SPAG5: variants seen among roughly 807,000 people sequenced by gnomAD.
The protein encoded by SPAG5 is sperm associated antigen 5.
SPAG5 carries 99 observed loss-of-function variants against 145.4 expected under a neutral mutation model. The observed-to-expected ratio is 0.68, with a 90% CI of 0.58 to 0.80. The LOEUF (loss-of-function observed/expected upper bound fraction) is 0.80, where lower values mean the gene tolerates loss of function less well. Ranked by LOEUF, SPAG5 falls within the 30% of genes least tolerant of loss-of-function variation. The pLI, the probability that SPAG5 is intolerant of heterozygous loss-of-function variation, is 0.00. For synonymous variants in SPAG5, 477 were observed against 525.4 expected, an observed-to-expected ratio of 0.91 and a Z score of 1.26; for missense variants, 1,192 against 1,416.0, an observed-to-expected ratio of 0.84 and a Z score of 2.54.
Position 28,594,216 on chromosome 17 carries a change from A to G in SPAG5, c.178-1150T>C, listed in dbSNP as rs192636867. On this transcript the variant is annotated intron_variant, in intron 2 of 23. Coordinates refer to ENST00000321765, the MANE Select transcript of SPAG5 (RefSeq NM_006461.4). ...ACTGACTAGAAAAGATACATGCTAG[A>G]CACATAATTATAAAATTTCTGTGCT... Among the ~76,000 whole-genome samples, 326 of 152,310 alleles carry G rather than the reference A, an allele frequency of 2.1e-3. 7 individuals carry two copies. The highest frequency in any genetic ancestry group is 2.9e-4 in the Non-Finnish European group (20 of 68,026).
chr17:28,592,154 ATAAGC>A lies in SPAG5; in HGVS notation c.1085_1089del (p.Ser362IlefsTer51). 6.2e-7 allele frequency: 1 copy of A among 1,614,116 alleles called. No individual in the cohort carries two copies. Among genetic ancestry groups the A allele is most frequent in the Non-Finnish European group, 8.5e-7 (1 of 1,180,032 alleles). On this transcript the variant is annotated frameshift_variant, in exon 3 of 24. Transcript: ENST00000321765. LOFTEE classifies it high-confidence loss of function. ...GCATCCCGAAGCATCGAGGGAAGGG[ATAAGC>A]TTTGGCGGAGATTTTCCAGCATGAC...
At position 28,591,689 on chromosome 17, in the gene SPAG5, C is replaced by G. The variant is rs547915742; in HGVS notation, c.1437+9G>C. 20 of 1,592,140 alleles carry G rather than the reference C, an allele frequency of 1.3e-5. No individual in the cohort carries two copies. Among genetic ancestry groups the G allele is most frequent in the Non-Finnish European group, 1.7e-5 (20 of 1,166,954 alleles). ...GGGATCCCTCAAGCTTTGAGAGGAA[C>G]CTTCTTACCCCACTGTGAGATGTGT... On this transcript the variant is annotated intron_variant, in intron 4 of 23. Coordinates refer to ENST00000321765, the MANE Select transcript of SPAG5 (RefSeq NM_006461.4).
chr17:28,586,599 T>C, intron 4 of SPAG5, 100 bp from the exon 5 acceptor site: 1 of 915,836 alleles, frequency 1.1e-6, no homozygotes, highest in East Asian at 2.5e-5. Flanking sequence ...TGGCACAATC[T>C]CAGCTCACTG....
Position 28,586,456 on chromosome 17 carries a change from C to T in SPAG5, c.1481G>A (p.Gly494Glu). The T allele has an allele frequency of 6.2e-7, 1 of 1,613,912 alleles. No individual in the cohort carries two copies. The highest frequency in any genetic ancestry group is 1.1e-5 in the South Asian group (1 of 91,078). Residue 494 changes from glycine to glutamate, a missense_variant, in exon 5 of 24, where the codon GGA becomes GAA. Around this residue, in one of 5 missense-constraint regions of SPAG5, gnomAD observed 709 missense variants for 840.7 expected, o/e 0.84. Transcript: ENST00000321765. ...LQHLKESHEM[G>E]QALQQARNVM... is the part of the protein sequence containing the mutation. ...ATTTCTGGCCTGCTGTAGGGCCTGTCCCATCTCATGGCTCTCCTTAAGATG... is the reference window on the plus strand; with the variant it reads ...ATTTCTGGCCTGCTGTAGGGCCTGTTCCATCTCATGGCTCTCCTTAAGATG...
chr17:28,597,936 C>T (rs927553304), intron 2 of SPAG5, among the ~76,000 whole-genome samples: 7 of 152,168 alleles, frequency 4.6e-5, no homozygotes, highest in African/African-American at 1.7e-4. Flanking sequence ...GTCCTAAAGC[C>T]TTTCTTGGAG....
At chr17:28,588,880 C>T (rs965512568) in intron 4 of SPAG5, among the ~76,000 whole-genome samples, 1 of 152,014 alleles carries the variant, frequency 6.6e-6, no homozygotes, top group Non-Finnish European at 1.5e-5. Flanking sequence ...TGGGGTTTCA[C>T]TATGTTAGCC....
intron 15 of SPAG5, chr17:28,580,699 T>G (rs917730886): frequency 6.6e-6 from 1 of 152,226 alleles, no homozygotes; most frequent in Non-Finnish European, 1.5e-5. Context: ...TCTGGTTATT[T>G]CTTCTCTATT....
chr17:28,591,672 T>G (rs111265029), intron 4 of SPAG5, 26 bp downstream of exon 4: 26 of 1,579,664 alleles, frequency 1.6e-5, no homozygotes, highest in African/African-American at 1.2e-4. Flanking sequence ...CTGGGATCCC[T>G]CAAGCTTTGA....
chr17:28,583,561 C>T lies in SPAG5; in HGVS notation c.2635G>A (p.Glu879Lys). The T allele has an allele frequency of 4.3e-6, 7 of 1,613,506 alleles. No individual in the cohort carries two copies. The highest frequency in any genetic ancestry group is 5.1e-6 in the Non-Finnish European group (6 of 1,179,816). Residue 879 changes from glutamate to lysine, a missense_variant, in exon 15 of 24, where the codon GAG becomes AAG. By Grantham distance (56) the Glu-to-Lys change is moderately conservative. Coordinates refer to ENST00000321765, the MANE Select transcript of SPAG5 (RefSeq NM_006461.4). The part of the protein sequence containing the change: ...QYSQKLGLLT[E>K]QLQSLTLFLQ... ...AAGAGAGTCAGGCTCTGTAGTTGCT[C>T]AGTCAGCAGCCCTAGCTTTTGAGAG... is the stretch of plus-strand genomic sequence containing the variant.
At chr17:28,589,392 C>T (rs552576556) in intron 4 of SPAG5, among the ~76,000 whole-genome samples, 41 of 152,226 alleles carry the variant, frequency 2.7e-4, no homozygotes, top group Non-Finnish European at 4.4e-4. Flanking sequence ...AGCCACCATG[C>T]CCAGCCTAAA....
In SPAG5 at chr17:28,577,709, A is replaced by G; in HGVS notation, c.3572T>C (p.Phe1191Ser). 6.2e-7 allele frequency: 1 copy of G among 1,613,398 alleles called. No homozygotes were observed. The highest frequency in any genetic ancestry group is 8.5e-7 in the Non-Finnish European group (1 of 1,179,278). The change falls in exon 24 of 24, where the codon TTT becomes TCT. Residue 1191 changes from phenylalanine to serine, a missense_variant. Phe to Ser is a radical substitution (Grantham distance 155, BLOSUM62 -2). Transcript: ENST00000321765. ...CTGGCTTTCAGTTTCTTAGCTCAGA[A>G]ATTCCAGCAATCCCTGTAGTTCTTT... ...GCKELQGLLE[F>S]LS
Position 28,592,849 on chromosome 17 carries a change from A to G in SPAG5, c.395T>C (p.Leu132Pro). The G allele has an allele frequency of 1.9e-6, 3 of 1,614,216 alleles. No individual in the cohort carries two copies. The highest frequency in any genetic ancestry group is 2.5e-6 in the Non-Finnish European group (3 of 1,180,034). The change falls in exon 3 of 24, where the codon CTT becomes CCT. Residue 132 changes from leucine (L) to proline (P), a missense_variant. By Grantham distance (98) the Leu-to-Pro change is moderately conservative. Transcript: ENST00000321765. ...TTGCTGCCCCAGTGGAGATGGTACA[A>G]GGACGATGGTTTTAACCATATAATT... ...LGNYMVKTIV[L>P]VPSPLGQQQD...
chr17:28,592,087 G>A lies in SPAG5; in HGVS notation c.1157C>T (p.Thr386Ile). Residue 386 changes from threonine to isoleucine, a missense_variant, in exon 3 of 24, where the codon ACT becomes ATT. Thr to Ile is a moderately conservative substitution (Grantham distance 89, BLOSUM62 -1). This residue lies in a region of SPAG5 where 125 missense variants were observed against 143.8 expected (regional missense o/e 0.87). Transcript: ENST00000321765. ...CTGTGGTGCTGAAGGAGTAAACCAAGTCCCCACCGAGCAAGTAGAGAAAGG... is the reference window on the plus strand; with the variant it reads ...CTGTGGTGCTGAAGGAGTAAACCAAATCCCCACCGAGCAAGTAGAGAAAGG... ...TTPFSTCSVG[T>I]WFTPSAPQEK... is the part of the protein sequence containing the mutation. 6.2e-7 allele frequency: 1 copy of A among 1,614,108 alleles called. No homozygotes were observed. Among genetic ancestry groups the A allele is most frequent in the Non-Finnish European group, 8.5e-7 (1 of 1,180,016 alleles).
chr17:28,585,011 T>C, intron 10 of SPAG5, 91 bp downstream of exon 10: 1 of 1,250,702 alleles, frequency 8.0e-7, no homozygotes. Context: ...ACCCACAGGG[T>C]GAAAAGAAAA....
At position 28,586,110 on chromosome 17, in the gene SPAG5, T is replaced by A. The variant is rs549235033; in HGVS notation, c.1585A>T (p.Lys529Ter). ...CTTACCTCCTGACTCACAGTAGTCT[T>A]ATCTTCTTCTAAATGCAACAGGGAT... ...HLSLLHLEED[K>*]TTVSQESRRA... The change falls in exon 6 of 24, where the codon AAG becomes TAG. Residue 529 changes from lysine (K) to a stop codon, truncating the protein, a stop_gained. Transcript: ENST00000321765. LOFTEE classifies it high-confidence loss of function. 6 of 1,614,166 alleles carry A rather than the reference T, an allele frequency of 3.7e-6. No individual in the cohort carries two copies. The Admixed American group carries it at 1.0e-4, about 27-fold the overall frequency.
Position 28,591,761 on chromosome 17 carries a change from C to T in SPAG5, c.1374G>A (p.Gln458=). Residue 458 remains glutamine (Q), a synonymous_variant, in exon 4 of 24, where the codon CAG becomes CAA. Coordinates refer to ENST00000321765, the MANE Select transcript of SPAG5 (RefSeq NM_006461.4). ...LSRQLRDWKS[Q]LAVPHPETQD... is the part of the protein sequence containing the mutation. Reference sequence around the variant, plus strand: ...GGGTTTCTGGGTGAGGGACAGCCAGCTGGCTCTTCCAGTCCCGAAGCTGGC... The same window carrying T: ...GGGTTTCTGGGTGAGGGACAGCCAGTTGGCTCTTCCAGTCCCGAAGCTGGC... 1 of 1,614,196 alleles carries T rather than the reference C, an allele frequency of 6.2e-7. No homozygotes were observed. The highest frequency in any genetic ancestry group is 8.5e-7 in the Non-Finnish European group (1 of 1,180,044).
In SPAG5 at chr17:28,598,661, C is replaced by G. The variant is rs199614066; in HGVS notation, c.52-26G>C. The G allele has an allele frequency of 4.1e-5, 64 of 1,576,420 alleles. No individual in the cohort carries two copies. In the African/African-American group the frequency reaches 7.2e-4, roughly 18 times the overall value. ...CTGAGAAAGAAACCAAGAAAGAGGG[C>G]GAGTGTGAGGAAGCCTGGGTTCTGC... On this transcript the variant is annotated intron_variant, in intron 1 of 23. Coordinates refer to ENST00000321765, the MANE Select transcript of SPAG5 (RefSeq NM_006461.4).
At chr17:28,580,257 G>T in intron 15 of SPAG5, 137 bp from the exon 16 acceptor site, 1 of 529,536 alleles carries the variant, frequency 1.9e-6, no homozygotes. Context: ...CTCCATTAGT[G>T]CCTTTCTCTG....
chr17:28,588,981 C>T (rs2070603408), intron 4 of SPAG5, among the ~76,000 whole-genome samples: 2 of 152,032 alleles, frequency 1.3e-5, no homozygotes, highest in African/African-American at 4.8e-5. Context: ...CACATTGGGC[C>T]AACAGTGGTC....
Sources: allele counts gnomAD v4.1 joint callset (sites outside exome capture counted in the v4.1 genomes callset), GRCh38; gene constraint gnomAD v4.1.1; regional missense constraint gnomAD v4.1.1; transcripts MANE v1.5; gene names NCBI Gene and HGNC (gene_info 2026-07-23, HGNC 2026-07-21).